TPH2: variants seen among roughly 807,000 people sequenced by gnomAD.
TPH2 encodes the protein tryptophan hydroxylase 2.
Under a neutral mutation model 59.1 loss-of-function variants are expected in TPH2, and 27 were observed. That is an observed-to-expected ratio of 0.46 (90% CI 0.34 to 0.63). The LOEUF (loss-of-function observed/expected upper bound fraction) is 0.63, where lower values mean the gene tolerates loss of function less well. Ranked by LOEUF, TPH2 falls within the 30% of genes least tolerant of loss-of-function variation. The pLI is 0.01. For synonymous variants in TPH2, 220 were observed against 210.5 expected (o/e 1.05, Z -0.39); for missense variants, 523 against 588.3 (o/e 0.89, Z 1.15).
chr12:71,940,687 CTAAA>C (rs1051887044), intron 1 of TPH2, among the ~76,000 whole-genome samples: 2 of 152,112 alleles, frequency 1.3e-5, no homozygotes, highest in African/African-American at 2.4e-5. Flanking sequence ...CATTCTATTC[CTAAA>C]TAAAGTTTCC....
At chr12:71,973,122 T>C (rs1872020374) in intron 6 of TPH2, among the ~76,000 whole-genome samples, 1 of 152,208 alleles carries the variant, frequency 6.6e-6, no homozygotes, top group South Asian at 2.1e-4. Flanking sequence ...ATTAGTGACT[T>C]TCCTCTAGGA....
At chr12:71,984,327 C>A (rs1872370818) in intron 7 of TPH2, among the ~76,000 whole-genome samples, 1 of 152,074 alleles carries the variant, frequency 6.6e-6, no homozygotes, top group Non-Finnish European at 1.5e-5. Context: ...CATTTTTCAT[C>A]CGTTTCTAAG....
At chr12:71,995,703 T>C (rs1872677509) in intron 8 of TPH2, among the ~76,000 whole-genome samples, 1 of 152,190 alleles carries the variant, frequency 6.6e-6, no homozygotes, top group East Asian at 1.9e-4. Context: ...ATGTCTCTTG[T>C]ATAGCAGGTT....
At chr12:72,023,373 G>A (rs1238187503) in intron 9 of TPH2, among the ~76,000 whole-genome samples, 1 of 152,116 alleles carries the variant, frequency 6.6e-6, no homozygotes, top group African/African-American at 2.4e-5. Context: ...TTGGCCATTT[G>A]CATTATTGAA....
At chr12:72,015,237 T>C (rs574786150) in intron 8 of TPH2, among the ~76,000 whole-genome samples, 1 of 151,300 alleles carries the variant, frequency 6.6e-6, no homozygotes, top group South Asian at 2.1e-4. Context: ...AAAAACTAGA[T>C]GGAAAAATGT....
intron 9 of TPH2, among the ~76,000 whole-genome samples, chr12:72,023,475 C>T (rs996603219): frequency 6.6e-6 from 1 of 152,004 alleles, no homozygotes; most frequent in African/African-American, 2.4e-5. Context: ...TTTGGTTGAA[C>T]ACCTAGTGCC....
chr12:72,003,708 C>A (rs1375291227), intron 8 of TPH2, among the ~76,000 whole-genome samples: 1 of 152,054 alleles, frequency 6.6e-6, no homozygotes, highest in African/African-American at 2.4e-5. Context: ...GAGGTGTTTG[C>A]CATCTATTTA....
In TPH2 at chr12:71,949,596, G is replaced by A; in HGVS notation, c.549G>A (p.Lys183=). 1 of 1,612,950 alleles carries A rather than the reference G, an allele frequency of 6.2e-7. No homozygotes were observed. Among genetic ancestry groups the A allele is most frequent in the Non-Finnish European group, 8.5e-7 (1 of 1,179,148 alleles). The change falls in exon 5 of 11, where the codon AAG becomes AAA. Residue 183 remains lysine, a synonymous_variant. Transcript: ENST00000333850. Reference sequence around the variant, plus strand: ...TCTTTTTTGTGTTTAAGGGATTTAAGGACAATGTCTATCGACAGAGAAGAA... The same window carrying A: ...TCTTTTTTGTGTTTAAGGGATTTAAAGACAATGTCTATCGACAGAGAAGAA... ...SELDADHPGF[K]DNVYRQRRKY...
intron 1 of TPH2, among the ~76,000 whole-genome samples, chr12:71,939,421 G>A (rs932235458): frequency 6.7e-6 from 1 of 149,330 alleles, no homozygotes; most frequent in African/African-American, 2.5e-5. Context: ...AAAATGGAGT[G>A]TGAAGAATTT....
chr12:71,983,951 C>T (rs575439550), intron 7 of TPH2, among the ~76,000 whole-genome samples: 18 of 152,114 alleles, frequency 1.2e-4, no homozygotes, highest in African/African-American at 3.9e-4. Context: ...TTATCACTGG[C>T]GGCTAGCTTG....
intron 7 of TPH2, among the ~76,000 whole-genome samples, chr12:71,979,531 C>T (rs1872212685): frequency 1.3e-5 from 2 of 152,192 alleles, no homozygotes; most frequent in Admixed American, 6.5e-5. Context: ...GAACTCTGTG[C>T]TTTGCTCTCC....
At chr12:71,947,195 T>C (rs180985845) in intron 4 of TPH2, among the ~76,000 whole-genome samples, 1 of 152,276 alleles carries the variant, frequency 6.6e-6, no homozygotes, top group Admixed American at 6.5e-5. Flanking sequence ...TTCTCATCCC[T>C]AGCTTTCCAT....
At chr12:71,977,052 T>G (rs1872139881) in intron 6 of TPH2, among the ~76,000 whole-genome samples, 1 of 152,114 alleles carries the variant, frequency 6.6e-6, no homozygotes, top group African/African-American at 2.4e-5. Context: ...AGGTCTTTTT[T>G]TATAATTATT....
In TPH2 at chr12:71,972,772, G is replaced by T; in HGVS notation, c.805+57G>T. ...TCAATATCCTCAATTGCCTTCCAAG[G>T]ACACAGGTTGCAGCAATGGCTCTTT... On this transcript the variant is annotated intron_variant, in intron 6 of 10. Transcript: ENST00000333850. The T allele has an allele frequency of 1.0e-5, 16 of 1,555,860 alleles. 1 individual carries two copies. The highest frequency in any genetic ancestry group is 8.9e-5 in the South Asian group (8 of 89,420).
At chr12:72,024,610 G>A (rs950100726) in intron 9 of TPH2, among the ~76,000 whole-genome samples, 4 of 152,194 alleles carry the variant, frequency 2.6e-5, no homozygotes, top group African/African-American at 9.7e-5. Context: ...TAGCTCTTGA[G>A]CTGTGTCTAT....
chr12:71,973,569 T>C (rs1397129050), intron 6 of TPH2, among the ~76,000 whole-genome samples: 4 of 152,230 alleles, frequency 2.6e-5, no homozygotes, highest in Non-Finnish European at 5.9e-5. Flanking sequence ...AATCCATTCC[T>C]TGTTTAGCAT....
intron 4 of TPH2, among the ~76,000 whole-genome samples, chr12:71,947,309 A>C (rs1388164714): frequency 6.6e-6 from 1 of 151,974 alleles, no homozygotes; most frequent in Non-Finnish European, 1.5e-5. Context: ...CTAATATTCC[A>C]TCACTGTTGA....
chr12:72,025,348 A>G (rs904024776), intron 9 of TPH2, among the ~76,000 whole-genome samples: 2 of 152,136 alleles, frequency 1.3e-5, no homozygotes, highest in African/African-American at 2.4e-5. Context: ...TAACTTTTAC[A>G]TAAGTATCCA....
intron 8 of TPH2, among the ~76,000 whole-genome samples, chr12:72,000,106 G>A (rs929541966): frequency 1.3e-5 from 2 of 152,152 alleles, no homozygotes; most frequent in African/African-American, 4.8e-5. Context: ...CCATTAATGA[G>A]GGAGGGAAAA....
Sources: gnomAD v4.1 joint callset for allele counts (sites outside exome capture counted in the v4.1 genomes callset) on GRCh38, gnomAD v4.1.1 for gene constraint, MANE v1.5 for transcripts, NCBI Gene and HGNC (gene_info 2026-07-23, HGNC 2026-07-21) for gene names.